SEMA6D: variants seen among roughly 807,000 people sequenced by gnomAD.
The protein encoded by SEMA6D is semaphorin 6D.
In SEMA6D, 35 loss-of-function variants were observed where a neutral mutation model predicts 106.6. The ratio of observed to expected loss-of-function variants is 0.33; its 90% CI spans 0.25 to 0.44. The LOEUF (loss-of-function observed/expected upper bound fraction) is 0.44, where lower values mean the gene tolerates loss of function less well. Among genes scored for constraint, SEMA6D ranks in the 20% least tolerant of loss-of-function variants. The pLI is 1.00. For synonymous variants in SEMA6D, 499 were observed against 487.7 expected, an observed-to-expected ratio of 1.02 and a Z score of -0.31; for missense variants, 1,185 against 1,345.9, an observed-to-expected ratio of 0.88 and a Z score of 1.87.
At chr15:47,354,189 C>G (rs1365416354) in intron 1 of SEMA6D, among the ~76,000 whole-genome samples, 1 of 30,442 alleles carries the variant, frequency 3.3e-5, no homozygotes, top group Non-Finnish European at 5.8e-5. Flanking sequence ...CTCTCTCTCT[C>G]TCTCTCTCTC....
In SEMA6D at chr15:47,532,282, A is replaced by G. The variant is rs540311845; in HGVS notation, c.-87+61737A>G. Among the ~76,000 whole-genome samples the G allele has an allele frequency of 3.9e-5, 6 of 152,320 alleles. No individual in the cohort carries two copies. In the South Asian group the frequency reaches 1.2e-3, roughly 32 times the overall value. ...ATCAAAACAAAAACAAAACCAAAAA[A>G]CTGTCAATGAATAAAGACATTTATT... On this transcript the variant is annotated intron_variant, in intron 3 of 19. Coordinates refer to the SEMA6D transcript ENST00000558014.
intron 2 of SEMA6D, among the ~76,000 whole-genome samples, chr15:47,445,965 A>G (rs988793651): frequency 3.3e-5 from 5 of 152,142 alleles, no homozygotes; most frequent in African/African-American, 1.2e-4. Context: ...AGCACTTTGG[A>G]CTCATGATAA....
At chr15:47,277,769 C>G (rs1288239142) in intron 1 of SEMA6D, among the ~76,000 whole-genome samples, 2 of 151,624 alleles carry the variant, frequency 1.3e-5, no homozygotes, top group South Asian at 2.1e-4. Context: ...CCCCTCCCCA[C>G]ACCCCACAAC....
chr15:47,454,419 C>A (rs2042282192), intron 2 of SEMA6D, among the ~76,000 whole-genome samples: 1 of 151,842 alleles, frequency 6.6e-6, no homozygotes, highest in Admixed American at 6.6e-5. Flanking sequence ...CTTTGTTAAG[C>A]AAATTTCTGG....
intron 1 of SEMA6D, among the ~76,000 whole-genome samples, chr15:47,244,719 CAG>C (rs1426462806): frequency 6.6e-6 from 1 of 152,122 alleles, no homozygotes; most frequent in Non-Finnish European, 1.5e-5. Context: ...ATTTTAGATT[CAG>C]GGGGTATATG....
At chr15:47,642,041 A>T (rs2077498528) in intron 4 of SEMA6D, among the ~76,000 whole-genome samples, 1 of 152,142 alleles carries the variant, frequency 6.6e-6, no homozygotes, top group Non-Finnish European at 1.5e-5. Flanking sequence ...CCACTCGGTA[A>T]ATGTTTGCTA....
rs117237595 is a variant in SEMA6D, at chr15:47,507,796, A to G, written c.-87+37251A>G. ...TAGACATTTAAATAAATTCAGGCCT[A>G]TCTTAAGCTTATTAAAAGGATTTGG... On this transcript the variant is annotated intron_variant, in intron 3 of 19. Transcript: ENST00000558014. Among the ~76,000 whole-genome samples, 696 of 152,330 alleles carry G rather than the reference A, an allele frequency of 4.6e-3. 1 individual carries two copies. Among genetic ancestry groups the G allele is most frequent in the Non-Finnish European group, 7.5e-3 (509 of 68,026 alleles).
At chr15:47,521,086 G>A (rs1489121922) in intron 3 of SEMA6D, among the ~76,000 whole-genome samples, 2 of 152,174 alleles carry the variant, frequency 1.3e-5, no homozygotes, top group East Asian at 3.9e-4. Context: ...GGAGGGCCTT[G>A]CTGACAAGAT....
At chr15:47,568,836 A>G (rs1438735869) in intron 3 of SEMA6D, among the ~76,000 whole-genome samples, 1 of 152,160 alleles carries the variant, frequency 6.6e-6, no homozygotes, top group Non-Finnish European at 1.5e-5. Flanking sequence ...GCTAACACAC[A>G]TAACAGTGCT....
intron 1 of SEMA6D, among the ~76,000 whole-genome samples, chr15:47,333,013 G>A (rs2037404085): frequency 6.6e-6 from 1 of 152,162 alleles, no homozygotes; most frequent in South Asian, 2.1e-4. Flanking sequence ...AGAACTTATT[G>A]TAACCTAAGA....
chr15:47,643,353 T>C (rs942638811), intron 4 of SEMA6D, among the ~76,000 whole-genome samples: 1 of 150,430 alleles, frequency 6.6e-6, no homozygotes, highest in Non-Finnish European at 1.5e-5. Flanking sequence ...CAGTGTAGAC[T>C]CTCAGTGTCT....
chr15:47,332,182 G>A (rs903293881), intron 1 of SEMA6D, among the ~76,000 whole-genome samples: 6 of 152,174 alleles, frequency 3.9e-5, no homozygotes, highest in African/African-American at 1.4e-4. Flanking sequence ...TTAACTAATA[G>A]CACTACAGCA....
intron 1 of SEMA6D, among the ~76,000 whole-genome samples, chr15:47,726,826 A>T (rs560418031): frequency 6.6e-6 from 1 of 152,214 alleles, no homozygotes; most frequent in African/African-American, 2.4e-5. Context: ...TAGCCCTTGT[A>T]CTGTGCTGTC....
rs897643596 is a variant in SEMA6D, at chr15:47,283,876, A to G, written c.-239+99458A>G. 2.6e-5 allele frequency among the ~76,000 whole-genome samples: 4 copies of G among 152,162 alleles called. No individual in the cohort carries two copies. In the South Asian group the frequency reaches 8.3e-4, roughly 32 times the overall value. On this transcript the variant is annotated intron_variant, in intron 1 of 19. Transcript: ENST00000558014. ...GTTGCACAGACAGGGTCCTGATCACATCTGCTGCCGCTGTTGCCCATACCT... is the reference window on the plus strand; with the variant it reads ...GTTGCACAGACAGGGTCCTGATCACGTCTGCTGCCGCTGTTGCCCATACCT...
chr15:47,366,293 G>A (rs2039028122), intron 1 of SEMA6D, among the ~76,000 whole-genome samples: 1 of 152,210 alleles, frequency 6.6e-6, no homozygotes, highest in African/African-American at 2.4e-5. Context: ...CTTCAGGGGA[G>A]CCATTCATAT....
intron 2 of SEMA6D, among the ~76,000 whole-genome samples, chr15:47,465,516 C>A (rs1042561576): frequency 1.3e-5 from 2 of 152,116 alleles, no homozygotes; most frequent in Non-Finnish European, 2.9e-5. Flanking sequence ...GTGTCCCCAC[C>A]CAAATCTCAA....
intron 3 of SEMA6D, among the ~76,000 whole-genome samples, chr15:47,528,819 G>C (rs1007198058): frequency 6.6e-6 from 1 of 152,148 alleles, no homozygotes; most frequent in African/African-American, 2.4e-5. Context: ...GATCAATTCA[G>C]GGGTAAGGGG....
chr15:47,403,965 T>C (rs1353786859), intron 1 of SEMA6D, among the ~76,000 whole-genome samples: 1 of 152,176 alleles, frequency 6.6e-6, no homozygotes, highest in Non-Finnish European at 1.5e-5. Context: ...ATGAGAAGTT[T>C]ATGGTCCCAG....
chr15:47,549,334 C>T (rs2045615247), intron 3 of SEMA6D, among the ~76,000 whole-genome samples: 1 of 152,068 alleles, frequency 6.6e-6, no homozygotes, highest in African/African-American at 2.4e-5. Context: ...AAGATGTGAC[C>T]CTGAGGGTCC....
Sources: gnomAD v4.1 joint callset for allele counts (sites outside exome capture counted in the v4.1 genomes callset) on GRCh38, gnomAD v4.1.1 for gene constraint, MANE v1.5 for transcripts, NCBI Gene and HGNC (gene_info 2026-07-23, HGNC 2026-07-21) for gene names.